Variants in MAP4K4 observed in about 807,000 individuals in gnomAD.
MAP4K4 encodes the protein HPK/GCK-like kinase HGK.
A neutral mutation model predicts 189.6 loss-of-function variants in MAP4K4; 38 were observed. That is an observed-to-expected ratio of 0.20 (90% CI 0.15 to 0.26). The LOEUF is 0.26. MAP4K4 is among the 10% of genes least tolerant of loss of function. MAP4K4 has a pLI of 1.00. For missense variants in MAP4K4, 1,054 were observed against 1,726.9 expected (o/e 0.61, Z 6.91); for synonymous variants, 610 against 624.3 (o/e 0.98, Z 0.34).
exon 32 of MAP4K4, chr2:101,888,905 A>G: frequency 6.2e-7 from 1 of 1,612,750 alleles, no homozygotes. Flanking sequence ...GGGCTCAAAG[A>G]CTAAAATTCT....
At chr2:101,860,605 C>T (rs2097616699) in intron 15 of MAP4K4, 2 of 469,684 alleles carry the variant, frequency 4.3e-6, no homozygotes. Context: ...AGCTTAGAGA[C>T]TGCCTTGCTA....
intron 2 of MAP4K4, among the ~76,000 whole-genome samples, chr2:101,730,097 G>A (rs977588811): frequency 1.3e-5 from 2 of 152,126 alleles, no homozygotes; most frequent in African/African-American, 4.8e-5. Flanking sequence ...CCTAGGACGG[G>A]GGAAAGTAAA....
intron 2 of MAP4K4, among the ~76,000 whole-genome samples, chr2:101,735,718 G>A (rs910110089): frequency 1.3e-5 from 2 of 152,310 alleles, no homozygotes; most frequent in East Asian, 3.9e-4. Context: ...TAATAGTAGG[G>A]TGGGTCCCAT....
At chr2:101,839,841 A>T in exon 10 of MAP4K4, 1 of 1,593,748 alleles carries the variant, frequency 6.3e-7, no homozygotes, top group Non-Finnish European at 8.5e-7. Flanking sequence ...TTTTAGTTTT[A>T]TAGAAGGGTG....
At chr2:101,733,476 C>T (rs140924727) in intron 2 of MAP4K4, among the ~76,000 whole-genome samples, 8 of 152,172 alleles carry the variant, frequency 5.3e-5, no homozygotes, top group East Asian at 1.9e-4. Context: ...ACCCTGACAG[C>T]GGGAGATGAG....
rs1022897586 is a variant in MAP4K4, at chr2:101,790,921, G to A, written c.180+145G>A. 4 of 705,536 alleles carry A rather than the reference G, an allele frequency of 5.7e-6. No individual in the cohort carries two copies. In the Admixed American group the frequency reaches 7.0e-5, roughly 12 times the overall value. 43.7% of individuals were successfully genotyped at this position (705,536 alleles called of 1,614,324 possible). On this transcript the variant is annotated intron_variant, in intron 3 of 32. Transcript: ENST00000324219. ...GACATTGTGGGTTCATAGGTCCAGTGGACTAGTTGGCCTAAATTGTAGTAC... is the reference window on the plus strand; with the variant it reads ...GACATTGTGGGTTCATAGGTCCAGTAGACTAGTTGGCCTAAATTGTAGTAC...
intron 3 of MAP4K4, among the ~76,000 whole-genome samples, chr2:101,807,302 C>T (rs796400311): frequency 7.9e-5 from 12 of 152,178 alleles, no homozygotes; most frequent in African/African-American, 2.9e-4. Context: ...CAAGGGCTCA[C>T]GCAGTCCTCC....
intron 20 of MAP4K4, 95 bp downstream of exon 20, chr2:101,867,404 C>T (rs1462828255): frequency 5.9e-6 from 5 of 852,328 alleles, no homozygotes; most frequent in African/African-American, 1.7e-5. Flanking sequence ...GTCTTTTCTG[C>T]GAGGGCCCCT....
rs1332392228 is a variant in MAP4K4 at position 101,745,333 on chromosome 2, C to CCA, written c.124-45386_124-45385insAC. Among the ~76,000 whole-genome samples the CCA allele has an allele frequency of 1.1e-4, 14 of 128,828 alleles. 1 individual carries two copies. The highest frequency in any genetic ancestry group is 4.6e-4 in the African/African-American group (14 of 30,482). 84.5% of individuals were successfully genotyped at this position (128,828 alleles called of 152,430 possible). A position where few individuals can be genotyped will look rare whatever the true frequency, so the allele number is the denominator to read the frequency against. On this transcript the variant is annotated intron_variant, in intron 2 of 32. Coordinates refer to ENST00000324219, the Ensembl canonical transcript of MAP4K4. ...TGGAAAAAAGTGAAAATATCACCCCCCCCCCCCCAATACTGCTGTCCTCCC... is the reference window on the plus strand; with the variant it reads ...TGGAAAAAAGTGAAAATATCACCCCCCACCCCCCCCAATACTGCTGTCCTCCC...
chr2:101,769,372 C>T (rs1047924964), intron 2 of MAP4K4, among the ~76,000 whole-genome samples: 2 of 151,956 alleles, frequency 1.3e-5, no homozygotes, highest in Non-Finnish European at 2.9e-5. Flanking sequence ...AAAGTTTGTT[C>T]TTAAGTGGAG....
intron 12 of MAP4K4, among the ~76,000 whole-genome samples, chr2:101,854,488 G>A (rs2097383898): frequency 6.6e-6 from 1 of 152,188 alleles, no homozygotes; most frequent in Non-Finnish European, 1.5e-5. Flanking sequence ...ACCAAAAGCA[G>A]ACTCAGAACT....
chr2:101,729,801 G>C (rs2057588472), intron 2 of MAP4K4, among the ~76,000 whole-genome samples: 1 of 152,138 alleles, frequency 6.6e-6, no homozygotes, highest in East Asian at 1.9e-4. Flanking sequence ...GTCCTTCTCT[G>C]GTGAAATCTT....
At chr2:101,842,707 T>A (rs1298105207) in intron 11 of MAP4K4, 26 bp downstream of exon 11, 1 of 1,575,430 alleles carries the variant, frequency 6.3e-7, no homozygotes, top group African/African-American at 1.3e-5. Flanking sequence ...CTGTTCAGTA[T>A]CCTGCTTTAT....
intron 2 of MAP4K4, among the ~76,000 whole-genome samples, chr2:101,708,669 T>C (rs1341110502): frequency 6.6e-6 from 1 of 152,204 alleles, no homozygotes; most frequent in Non-Finnish European, 1.5e-5. Flanking sequence ...TACATTTCAG[T>C]GATATTTAGT....
chr2:101,735,456 G>A (rs2059972655), intron 2 of MAP4K4, among the ~76,000 whole-genome samples: 1 of 152,164 alleles, frequency 6.6e-6, no homozygotes, highest in Non-Finnish European at 1.5e-5. Flanking sequence ...CCAAGTAGGG[G>A]CCACCTGCTT....
At chr2:101,873,693 C>T (rs1450734035) in exon 25 of MAP4K4, 1 of 1,613,202 alleles carries the variant, frequency 6.2e-7, no homozygotes, top group East Asian at 2.2e-5. Context: ...TCTTCCTCCT[C>T]CTTTACACCT....
intron 28 of MAP4K4, among the ~76,000 whole-genome samples, 167 bp downstream of exon 28, chr2:101,882,852 T>TG (rs1346858656): frequency 2.0e-5 from 3 of 152,142 alleles, no homozygotes; most frequent in Non-Finnish European, 4.4e-5. Context: ...ATTCTAATCT[T>TG]GAAGTCTCAT....
At chr2:101,751,766 C>G (rs2069128758) in intron 2 of MAP4K4, among the ~76,000 whole-genome samples, 1 of 152,174 alleles carries the variant, frequency 6.6e-6, no homozygotes, top group Admixed American at 6.5e-5. Context: ...ACTACAGACA[C>G]CTGTAGGTAG....
chr2:101,776,943 C>G (rs981794312), intron 2 of MAP4K4, among the ~76,000 whole-genome samples: 1 of 152,016 alleles, frequency 6.6e-6, no homozygotes, highest in South Asian at 2.1e-4. Flanking sequence ...ATATATTTTT[C>G]TTTTTCTGAC....
Sources: gnomAD v4.1 joint callset for allele counts (sites outside exome capture counted in the v4.1 genomes callset) on GRCh38, gnomAD v4.1.1 for gene constraint, MANE v1.5 for transcripts, NCBI Gene and HGNC (gene_info 2026-07-23, HGNC 2026-07-21) for gene names.